Variants in MYO1D observed in about 807,000 individuals in gnomAD.
MYO1D encodes the protein myosin ID, also known as unconventional myosin-Id.
MYO1D carries 83 observed loss-of-function variants against 122.0 expected under a neutral mutation model. The observed-to-expected ratio is 0.68, with a 90% CI of 0.57 to 0.82. MYO1D has a LOEUF of 0.82. Among genes scored for constraint, MYO1D ranks in the 40% least tolerant of loss-of-function variants. The pLI, the probability that MYO1D is intolerant of heterozygous loss-of-function variation, is 0.00. For missense variants in MYO1D, 1,157 were observed against 1,269.5 expected (o/e 0.91, Z 1.35); for synonymous variants, 464 against 446.9 (o/e 1.04, Z -0.48).
intron 11 of MYO1D, among the ~76,000 whole-genome samples, chr17:32,753,268 A>G (rs1478785189): frequency 6.6e-6 from 1 of 152,194 alleles, no homozygotes; most frequent in African/African-American, 2.4e-5. Context: ...TGAGAGTTGA[A>G]AAATTACATA....
intron 17 of MYO1D, among the ~76,000 whole-genome samples, chr17:32,657,006 C>T (rs1242674668): frequency 6.6e-6 from 1 of 152,174 alleles, no homozygotes; most frequent in African/African-American, 2.4e-5. Flanking sequence ...AGGACCTGAC[C>T]TATACAACCA....
chr17:32,546,670 G>C (rs1047759441), intron 21 of MYO1D, among the ~76,000 whole-genome samples: 6 of 152,154 alleles, frequency 3.9e-5, no homozygotes, highest in Admixed American at 6.5e-5. Context: ...CCAAACCCCT[G>C]TGCTCCCAAA....
In MYO1D at chr17:32,751,945, CA is replaced by C. The variant is rs1348879157; in HGVS notation, c.1468-2940del. Among the ~76,000 whole-genome samples, 17 of 152,004 alleles carry C rather than the reference CA, an allele frequency of 1.1e-4. 3 individuals are homozygous for C. Among genetic ancestry groups the C allele is most frequent in the African/African-American group, 3.6e-4 (15 of 41,464 alleles). ...AACAATCCTAAAGTTCATATAGAAC[CA>C]AAAAACAGCCCAAATAGCCAAAGCA... On this transcript the variant is annotated intron_variant, in intron 11 of 21. Coordinates refer to ENST00000318217, the MANE Select transcript of MYO1D (RefSeq NM_015194.3).
At chr17:32,702,781 T>C (rs926425119) in intron 16 of MYO1D, among the ~76,000 whole-genome samples, 1 of 152,230 alleles carries the variant, frequency 6.6e-6, no homozygotes, top group Non-Finnish European at 1.5e-5. Context: ...AATGGAAGAC[T>C]GCCAACTGAC....
At chr17:32,504,890 G>A (rs1360812135) in intron 21 of MYO1D, 1 of 152,362 alleles carries the variant, frequency 6.6e-6, no homozygotes, top group African/African-American at 2.4e-5. Flanking sequence ...CGTCTGCACG[G>A]TCACTGAGGC....
intron 3 of MYO1D, among the ~76,000 whole-genome samples, chr17:32,777,689 T>C (rs558608581): frequency 1.3e-5 from 2 of 152,114 alleles, no homozygotes; most frequent in Non-Finnish European, 2.9e-5. Flanking sequence ...CACATGCCTG[T>C]AATCCTAGCA....
intron 21 of MYO1D, among the ~76,000 whole-genome samples, chr17:32,583,646 T>C (rs150815710): frequency 8.1e-4 from 124 of 152,310 alleles, no homozygotes; most frequent in African/African-American, 2.9e-3. Flanking sequence ...TTCTGTAATA[T>C]CTAATGTGCT....
intron 1 of MYO1D, among the ~76,000 whole-genome samples, chr17:32,822,263 C>G (rs2090672600): frequency 6.6e-6 from 1 of 151,888 alleles, no homozygotes; most frequent in Non-Finnish European, 1.5e-5. Flanking sequence ...TCTCAGCAAA[C>G]TATCGCAAGG....
chr17:32,780,089 C>G (rs1032606562), intron 2 of MYO1D, among the ~76,000 whole-genome samples: 11 of 152,070 alleles, frequency 7.2e-5, no homozygotes, highest in African/African-American at 2.4e-4. Context: ...TCGTGCCTAT[C>G]TCCCCCCTTG....
chr17:32,796,584 T>C lies in MYO1D; in HGVS notation c.96-15800A>G, dbSNP rs1169112878. ...CGGGCCACCACATCCAGCTAATTTTTGTATTTCTTGTAGAGACGGGGTTTT... is the reference window on the plus strand; with the variant it reads ...CGGGCCACCACATCCAGCTAATTTTCGTATTTCTTGTAGAGACGGGGTTTT... On this transcript the variant is annotated intron_variant, in intron 1 of 21. Coordinates refer to ENST00000318217, the MANE Select transcript of MYO1D (RefSeq NM_015194.3). Among the ~76,000 whole-genome samples the C allele has an allele frequency of 2.6e-5, 4 of 152,172 alleles. No homozygotes were observed. In the East Asian group the frequency reaches 7.7e-4, roughly 29 times the overall value.
chr17:32,791,164 G>C (rs2090346464), intron 1 of MYO1D, among the ~76,000 whole-genome samples: 1 of 152,038 alleles, frequency 6.6e-6, no homozygotes, highest in African/African-American at 2.4e-5. Flanking sequence ...AGGAGTTTGA[G>C]ACCAGCCTGG....
chr17:32,759,522 A>C (rs1321629669), intron 10 of MYO1D, among the ~76,000 whole-genome samples: 1 of 152,204 alleles, frequency 6.6e-6, no homozygotes, highest in African/African-American at 2.4e-5. Context: ...AAACTACAGA[A>C]ACTTAAAAGT....
chr17:32,593,828 C>T (rs1182498881), intron 21 of MYO1D, among the ~76,000 whole-genome samples: 2 of 152,056 alleles, frequency 1.3e-5, no homozygotes, highest in Admixed American at 1.3e-4. Context: ...TCCCAGCTAC[C>T]TGGGAGGCTG....
At chr17:32,702,917 G>T (rs1342179891) in intron 16 of MYO1D, among the ~76,000 whole-genome samples, 1 of 152,142 alleles carries the variant, frequency 6.6e-6, no homozygotes, top group Admixed American at 6.5e-5. Flanking sequence ...AGCAGGTAAG[G>T]GGTAGCATAA....
intron 19 of MYO1D, among the ~76,000 whole-genome samples, chr17:32,652,066 T>A (rs2088398800): frequency 6.6e-6 from 1 of 152,202 alleles, no homozygotes; most frequent in Admixed American, 6.5e-5. Flanking sequence ...TTCCAGTTTT[T>A]CTGGCTGTTA....
chr17:32,615,138 A>C (rs2150921696), intron 20 of MYO1D, among the ~76,000 whole-genome samples: 1 of 152,328 alleles, frequency 6.6e-6, no homozygotes, highest in South Asian at 2.1e-4. Context: ...AATTGGAATA[A>C]AAATTTGGAA....
At chr17:32,589,027 A>C (rs2041520208) in intron 21 of MYO1D, among the ~76,000 whole-genome samples, 1 of 149,370 alleles carries the variant, frequency 6.7e-6, no homozygotes, top group South Asian at 2.1e-4. Context: ...CTGCCCCTGC[A>C]AGAGAATAAA....
chr17:32,806,981 T>C (rs748136993), intron 1 of MYO1D, among the ~76,000 whole-genome samples: 1 of 152,236 alleles, frequency 6.6e-6, no homozygotes, highest in Non-Finnish European at 1.5e-5. Flanking sequence ...GTAGGTGAAT[T>C]TGGCAATTCT....
intron 10 of MYO1D, among the ~76,000 whole-genome samples, chr17:32,759,077 GTATTA>G (rs1183500173): frequency 6.6e-6 from 1 of 152,026 alleles, no homozygotes; most frequent in Non-Finnish European, 1.5e-5. Context: ...GTTATACCGT[GTATTA>G]TATTATACAA....
Sources: allele counts gnomAD v4.1 joint callset (sites outside exome capture counted in the v4.1 genomes callset), GRCh38; gene constraint gnomAD v4.1.1; transcripts MANE v1.5; gene names NCBI Gene and HGNC (gene_info 2026-07-23, HGNC 2026-07-21).